The following LRP4 variants were observed in gnomAD, a reference collection of about 807,000 sequenced individuals.
LRP4 encodes LDL receptor related protein 4.
In LRP4, 95 loss-of-function variants were observed where a neutral mutation model predicts 220.3. That is an observed-to-expected ratio of 0.43 (90% CI 0.37 to 0.51). The LOEUF is 0.51. Ranked by LOEUF, LRP4 falls within the 20% of genes least tolerant of loss-of-function variation. LRP4 has a pLI of 0.00. For synonymous variants in LRP4, 903 were observed against 954.6 expected (o/e 0.95, Z 1.00); for missense variants, 1,925 against 2,567.0 (o/e 0.75, Z 5.40).
rs577000245 is a variant in LRP4 at position 46,862,851 on chromosome 11, G to A, written c.5244-104C>T. 3 of 969,556 alleles carry A rather than the reference G, an allele frequency of 3.1e-6. No homozygotes were observed. The East Asian group carries it at 7.7e-5, about 25-fold the overall frequency. 60.1% of individuals were successfully genotyped at this position (969,556 alleles called of 1,614,324 possible). A position where few individuals can be genotyped will look rare whatever the true frequency, so the allele number is the denominator to read the frequency against. ...GTAGGCAGCCTCTAAGATGATCCCA[G>A]TGACTCCCACTTCCTGGTACTCATG... On this transcript the variant is annotated intron_variant, in intron 36 of 37. Transcript: ENST00000378623.
intron 16 of LRP4, among the ~76,000 whole-genome samples, chr11:46,888,548 C>CAAAAAAAAAAAAAAAAAAAAAAAAAAAAA (rs71042635): frequency 9.6e-5 from 3 of 31,314 alleles, no homozygotes; most frequent in African/African-American, 1.5e-4. Flanking sequence ...AAAACTGTCT[C>CAAAAAAAAAAAAAAAAAAAAAAAAAAAAA]AAAAAAAAAA....
chr11:46,873,203 C>T lies in LRP4; in HGVS notation c.4480G>A (p.Ala1494Thr). 6.2e-7 allele frequency: 1 copy of T among 1,614,190 alleles called. No individual in the cohort carries two copies. Among genetic ancestry groups the T allele is most frequent in the Non-Finnish European group, 8.5e-7 (1 of 1,180,044 alleles). Residue 1494 changes from alanine (A) to threonine (T), a missense_variant, in exon 30 of 38, where the codon GCC (alanine) becomes ACC (threonine). By Grantham distance (58) the Ala-to-Thr change is moderately conservative. Coordinates refer to ENST00000378623, the MANE Select transcript of LRP4 (RefSeq NM_002334.4). This position sits in a 1 kb window ranked among gnomAD's most constrained non-coding sequence, Gnocchi z 4.2. ...YLFWTDWGHI[A>T]KIERANLDGS... ...TCCAAGTTTGCCCGTTCGATCTTGG[C>T]AATGTGGCCCCAGTCTGTCCAGAAG... is the stretch of plus-strand genomic sequence containing the variant.
chr11:46,870,764 G>A (rs1350957970), intron 31 of LRP4, among the ~76,000 whole-genome samples: 1 of 152,162 alleles, frequency 6.6e-6, no homozygotes, highest in Non-Finnish European at 1.5e-5. Flanking sequence ...CCTCAGGCTT[G>A]GTAGATCTTC....
intron 25 of LRP4, 49 bp from the exon 26 acceptor site, chr11:46,876,015 A>G: frequency 6.4e-7 from 1 of 1,573,924 alleles, no homozygotes; most frequent in Non-Finnish European, 8.7e-7. Flanking sequence ...TCCAGCAGCT[A>G]CCACATACCA....
At chr11:46,897,064 C>G (rs1055635767) in intron 7 of LRP4, 70 bp from the exon 8 acceptor site, 1 of 1,605,024 alleles carries the variant, frequency 6.2e-7, no homozygotes, top group African/African-American at 1.3e-5. Context: ...CCACCCAAAT[C>G]TGCAGCTTAT....
chr11:46,894,712 G>A lies in LRP4; in HGVS notation c.1417C>T (p.Leu473Phe). The A allele has an allele frequency of 6.2e-7, 1 of 1,614,180 alleles. No individual in the cohort carries two copies. Among genetic ancestry groups the A allele is most frequent in the Non-Finnish European group, 8.5e-7 (1 of 1,180,016 alleles). Residue 473 changes from leucine (L) to phenylalanine (F), a missense_variant, in exon 12 of 38, where the codon CTT becomes TTT. Leu to Phe is a conservative substitution (Grantham distance 22, BLOSUM62 0). Coordinates refer to ENST00000378623, the MANE Select transcript of LRP4 (RefSeq NM_002334.4). ...LLNNLENAIA[L>F]DFHHRRELVF... Reference sequence around the variant, plus strand: ...AGCTCGCGGCGGTGGTGGAAATCAAGGGCAATGGCATTCTCCAGGTTGTTA... The same window carrying A: ...AGCTCGCGGCGGTGGTGGAAATCAAAGGCAATGGCATTCTCCAGGTTGTTA...
chr11:46,912,342 A>G (rs1408466664), intron 1 of LRP4, among the ~76,000 whole-genome samples: 3 of 152,212 alleles, frequency 2.0e-5, no homozygotes, highest in African/African-American at 7.2e-5. Context: ...CATATCCCAC[A>G]ATTTGCAAAA....
In LRP4 at chr11:46,875,870, T is replaced by A; in HGVS notation, c.3633A>T (p.Gly1211=). The change falls in exon 26 of 38, where the codon GGA becomes GGT. Residue 1211 remains glycine, a synonymous_variant. Coordinates refer to ENST00000378623, the MANE Select transcript of LRP4 (RefSeq NM_002334.4). This position sits in a 1 kb window ranked among gnomAD's most constrained non-coding sequence, Gnocchi z 4.5. ...DRAVLINNNL[G]WPNGLTVDKA... is the part of the protein sequence containing the mutation. ...TGTCCACAGTCAGTCCATTGGGCCA[T>A]CCTAGGTTGTTGTTGATGAGCACCG... 1.2e-6 allele frequency: 2 copies of A among 1,614,020 alleles called. No homozygotes were observed. Among genetic ancestry groups the A allele is most frequent in the Non-Finnish European group, 1.7e-6 (2 of 1,179,990 alleles).
At chr11:46,870,978 T>C (rs1178386894) in intron 31 of LRP4, among the ~76,000 whole-genome samples, 1 of 152,206 alleles carries the variant, frequency 6.6e-6, no homozygotes, top group East Asian at 1.9e-4. Flanking sequence ...GTCACTCTAG[T>C]TCAAAGTTAC....
intron 36 of LRP4, 152 bp from the exon 37 acceptor site, chr11:46,862,899 G>T: frequency 1.4e-6 from 1 of 702,372 alleles, no homozygotes; most frequent in Non-Finnish European, 2.6e-6. Context: ...CCCTCCCCTT[G>T]AGTGTGGACT....
At position 46,871,377 on chromosome 11, in the gene LRP4, C is replaced by T. The variant is rs995541479; in HGVS notation, c.4692+148G>A. On this transcript the variant is annotated intron_variant, in intron 31 of 37. Coordinates refer to ENST00000378623, the MANE Select transcript of LRP4 (RefSeq NM_002334.4). ...GGCACTCGGTGGCCCTACCAACCTA[C>T]CAAGGCTTCAGGGCACAGGAAAAAT... 3.7e-5 allele frequency: 26 copies of T among 711,448 alleles called. No homozygotes were observed. The Admixed American group carries it at 5.2e-4, about 14-fold the overall frequency. 44.1% of individuals were successfully genotyped at this position (711,448 alleles called of 1,614,324 possible).
At position 46,864,517 on chromosome 11, in the gene LRP4, C is replaced by G; in HGVS notation, c.5174G>C (p.Ser1725Thr). Reference sequence around the variant, plus strand: ...ACTGAGGAGTCCACCAATGGCGTAGCTGATATGAAGTCCTTCCCCTAGGAA... The same window carrying G: ...ACTGAGGAGTCCACCAATGGCGTAGGTGATATGAAGTCCTTCCCCTAGGAA... The part of the protein sequence containing the change: ...PAAPGEGLHI[S>T]YAIGGLLSIL... Residue 1725 changes from serine (S) to threonine (T), a missense_variant, in exon 36 of 38, where the codon AGC becomes ACC. Ser to Thr is a moderately conservative substitution (Grantham distance 58). Transcript: ENST00000378623. The G allele has an allele frequency of 6.2e-7, 1 of 1,613,112 alleles. No individual in the cohort carries two copies. Among genetic ancestry groups the G allele is most frequent in the Non-Finnish European group, 8.5e-7 (1 of 1,179,132 alleles).
In LRP4 at chr11:46,863,765, AT is replaced by A. The variant is rs199866782; in HGVS notation, c.5243+682del. On this transcript the variant is annotated intron_variant, in intron 36 of 37. Transcript: ENST00000378623. ...CAGAGTGAGACTCTATCTCAAAAAAATAAGACAAAAATTAAAAAAAATAAAC... is the reference window on the plus strand; with the variant it reads ...CAGAGTGAGACTCTATCTCAAAAAAAAAGACAAAAATTAAAAAAAATAAAC... Among the ~76,000 whole-genome samples the A allele has an allele frequency of 3.8e-3, 574 of 152,138 alleles. 2 individuals are homozygous for A. The highest frequency in any genetic ancestry group is 0.013 in the African/African-American group (529 of 41,486).
rs977467315 is a variant in LRP4, at chr11:46,873,994, T to C, written c.4230-401A>G. On this transcript the variant is annotated intron_variant, in intron 28 of 37. Coordinates refer to ENST00000378623, the MANE Select transcript of LRP4 (RefSeq NM_002334.4). This position sits in a 1 kb window ranked among gnomAD's most constrained non-coding sequence, Gnocchi z 4.2. The stretch of plus-strand genomic sequence containing the variant: ...AAACAATTTTAAATACAAGTAGATA[T>C]GAGGTTTCATTATGTTGCCTAGGCT... The C allele has an allele frequency of 4.6e-6, 1 of 215,902 alleles. No homozygotes were observed. Among genetic ancestry groups the C allele is most frequent in the Non-Finnish European group, 9.3e-6 (1 of 107,674 alleles). The allele number at this position is 215,902 out of a possible 1,614,324, so 13.4% of individuals were successfully genotyped here.
At chr11:46,903,098 C>T (rs1231794716) in intron 1 of LRP4, among the ~76,000 whole-genome samples, 169 bp from the exon 2 acceptor site, 6 of 152,296 alleles carry the variant, frequency 3.9e-5, no homozygotes, top group African/African-American at 7.2e-5. Context: ...AGGGCATAAA[C>T]GACCCAGCAG....
intron 37 of LRP4, among the ~76,000 whole-genome samples, chr11:46,861,222 AT>A (rs1006190862): frequency 8.0e-5 from 12 of 150,096 alleles, no homozygotes; most frequent in Admixed American, 2.0e-4. Context: ...TTTAATTTCA[AT>A]TTTTTTTTTC....
intron 1 of LRP4, among the ~76,000 whole-genome samples, chr11:46,907,343 C>T (rs1941778952): frequency 1.3e-5 from 2 of 152,212 alleles, no homozygotes; most frequent in Non-Finnish European, 2.9e-5. Context: ...TGTTAATGTG[C>T]TCATAGGATG....
At chr11:46,900,046 C>T in intron 3 of LRP4, 70 bp from the exon 4 acceptor site, 1 of 1,304,312 alleles carries the variant, frequency 7.7e-7, no homozygotes, top group Non-Finnish European at 1.1e-6. Context: ...GACTTAAAGC[C>T]CTCCGGAGCA....
At chr11:46,917,641 C>T (rs1592559182) in intron 1 of LRP4, among the ~76,000 whole-genome samples, 1 of 152,166 alleles carries the variant, frequency 6.6e-6, no homozygotes, top group East Asian at 1.9e-4. Context: ...GCAGTTTCTT[C>T]CCTATATTCC....
Sources: gnomAD v4.1 joint callset for allele counts (sites outside exome capture counted in the v4.1 genomes callset) on GRCh38, gnomAD v4.1.1 for gene constraint, Gnocchi (gnomAD v3.1) non-coding constraint, MANE v1.5 for transcripts, NCBI Gene and HGNC (gene_info 2026-07-23, HGNC 2026-07-21) for gene names.